The following TSPAN7 variants were observed in gnomAD, a reference collection of about 807,000 sequenced individuals.
TSPAN7 encodes the protein tetraspanin-7.
TSPAN7 carries 1 observed loss-of-function variant against 17.6 expected under a neutral mutation model. The ratio of observed to expected loss-of-function variants is 0.06; its 90% CI spans 0.02 to 0.27. The LOEUF is 0.27. TSPAN7 is among the 10% of genes least tolerant of loss of function. The pLI is 1.00. For missense variants in TSPAN7, 112 were observed against 201.7 expected (o/e 0.56, Z 2.69); for synonymous variants, 78 against 79.0 (o/e 0.99, Z 0.07).
At chrX:38,670,801 T>C (rs753280956) in intron 2 of TSPAN7, among the ~76,000 whole-genome samples, 1 of 112,557 alleles carries the variant, frequency 8.9e-6, no homozygotes, top group Non-Finnish European at 1.9e-5. Flanking sequence ...AGAAAAGACA[T>C]TGGGCTGGTT....
At position 38,655,857 on chromosome X, in the gene TSPAN7, A is replaced by G; in HGVS notation, c.82-10264A>G. On this transcript the variant is annotated intron_variant, in intron 1 of 7. Coordinates refer to ENST00000378482, the MANE Select transcript of TSPAN7 (RefSeq NM_004615.4). ...TTTGAAGATGATAATCCTATATATA[A>G]ATTATGCAAAGAAGATTCTCCCTTT... 3 of 238,744 alleles carry G rather than the reference A, an allele frequency of 1.3e-5. No homozygotes were observed. In the South Asian group the frequency reaches 1.5e-4, roughly 12 times the overall value. The allele number at this position is 238,744 out of a possible 1,213,427, so 19.7% of individuals were successfully genotyped here. A position where few individuals can be genotyped will look rare whatever the true frequency, so the allele number is the denominator to read the frequency against.
At chrX:38,655,737 A>C (rs1213845308) in intron 1 of TSPAN7, among the ~76,000 whole-genome samples, 5 of 111,787 alleles carry the variant, frequency 4.5e-5, no homozygotes, top group Non-Finnish European at 9.4e-5. Context: ...ATAGCCACAT[A>C]AAGCGTGGGA....
intron 1 of TSPAN7, among the ~76,000 whole-genome samples, chrX:38,572,267 G>A (rs181930645): frequency 3.6e-5 from 4 of 111,486 alleles, no homozygotes; most frequent in Non-Finnish European, 7.5e-5. Flanking sequence ...ATTTGAGTGA[G>A]ACTGTTGTTG....
chrX:38,614,916 G>C (rs2069445520), intron 1 of TSPAN7, among the ~76,000 whole-genome samples: 1 of 111,688 alleles, frequency 9.0e-6, no homozygotes, highest in Non-Finnish European at 1.9e-5. Context: ...TGCTTTTTTT[G>C]CAACTGTATG....
chrX:38,606,095 A>G (rs1332357506), intron 1 of TSPAN7, among the ~76,000 whole-genome samples: 2 of 108,898 alleles, frequency 1.8e-5, no homozygotes, highest in African/African-American at 3.3e-5. Flanking sequence ...TCTGCACAGC[A>G]AAAGAAACTA....
chrX:38,625,173 A>G (rs1439256579), intron 1 of TSPAN7, among the ~76,000 whole-genome samples: 2 of 111,396 alleles, frequency 1.8e-5, no homozygotes, highest in African/African-American at 6.5e-5. Flanking sequence ...AGCTTAGGAG[A>G]TTCTTATTAT....
At chrX:38,637,288 G>A (rs775233494) in intron 1 of TSPAN7, among the ~76,000 whole-genome samples, 1 of 111,972 alleles carries the variant, frequency 8.9e-6, no homozygotes, top group Non-Finnish European at 1.9e-5. Flanking sequence ...CATGAATACA[G>A]TTATTCTGAT....
chrX:38,639,029 C>T (rs2069598183), intron 1 of TSPAN7, among the ~76,000 whole-genome samples: 1 of 111,284 alleles, frequency 9.0e-6, no homozygotes, highest in African/African-American at 3.3e-5. Context: ...CACCCTTTGC[C>T]TCTGACTGAT....
In TSPAN7 at chrX:38,688,722, T is replaced by C. The variant is rs1215937804; in HGVS notation, c.*791T>C. 8.9e-6 allele frequency: 1 copy of C among 112,761 alleles called. No homozygotes were observed. Among genetic ancestry groups the C allele is most frequent in the African/African-American group, 3.2e-5 (1 of 30,950 alleles). 9.3% of individuals were successfully genotyped at this position (112,761 alleles called of 1,213,427 possible). On this transcript the variant is annotated 3_prime_UTR_variant, in exon 8 of 8. Transcript: ENST00000378482. ...TGTGTTATTTTACTACTTCTCTCTG[T>C]ATTTTTTCTTGCATTGACATTATAG...
chrX:38,576,647 T>C (rs2069195654), intron 1 of TSPAN7, among the ~76,000 whole-genome samples: 1 of 111,788 alleles, frequency 8.9e-6, no homozygotes, highest in Non-Finnish European at 1.9e-5. Flanking sequence ...CTGGGGAATT[T>C]GGAAAGGTCA....
intron 1 of TSPAN7, among the ~76,000 whole-genome samples, chrX:38,562,688 G>C: frequency 9.0e-6 from 1 of 111,165 alleles, no homozygotes; most frequent in Admixed American, 9.4e-5. Flanking sequence ...AGAGGTGCGT[G>C]GTACTTAAAG....
intron 1 of TSPAN7, among the ~76,000 whole-genome samples, chrX:38,586,751 AC>A (rs751092933): frequency 1.5e-4 from 17 of 112,442 alleles, no homozygotes; most frequent in African/African-American, 4.8e-4. Context: ...ATTTATGGCT[AC>A]AAAACTTGAG....
chrX:38,575,333 G>A (rs1342595825), intron 1 of TSPAN7, among the ~76,000 whole-genome samples: 1 of 111,955 alleles, frequency 8.9e-6, no homozygotes, highest in Non-Finnish European at 1.9e-5. Flanking sequence ...AATGTGTTTT[G>A]TTTTGAGCTT....
intron 2 of TSPAN7, among the ~76,000 whole-genome samples, chrX:38,670,286 G>A (rs757080219): frequency 3.6e-5 from 4 of 111,930 alleles, no homozygotes; most frequent in African/African-American, 1.3e-4. Context: ...GAAGCAGATT[G>A]TAAGACATGT....
At chrX:38,648,810 C>T (rs2069659818) in intron 1 of TSPAN7, among the ~76,000 whole-genome samples, 1 of 107,988 alleles carries the variant, frequency 9.3e-6, no homozygotes, top group South Asian at 4.4e-4. Context: ...ATCCCAGCTA[C>T]TCTGGAGGAT....
intron 1 of TSPAN7, among the ~76,000 whole-genome samples, chrX:38,574,154 G>T (rs2069182847): frequency 8.9e-6 from 1 of 112,212 alleles, no homozygotes; most frequent in Non-Finnish European, 1.9e-5. Flanking sequence ...GTAAGTATTT[G>T]TTTAAACAAG....
At chrX:38,634,428 T>G (rs1327564140) in intron 1 of TSPAN7, among the ~76,000 whole-genome samples, 1 of 112,533 alleles carries the variant, frequency 8.9e-6, no homozygotes, top group African/African-American at 3.2e-5. Flanking sequence ...CTGTTAGAGA[T>G]CTGTCCTGCA....
At chrX:38,607,302 T>C (rs1459540858) in intron 1 of TSPAN7, among the ~76,000 whole-genome samples, 2 of 112,076 alleles carry the variant, frequency 1.8e-5, no homozygotes, top group Admixed American at 1.9e-4. Flanking sequence ...AAATGAAAGA[T>C]AATCCAGAGA....
intron 5 of TSPAN7, 50 bp downstream of exon 5, chrX:38,675,910 G>T: frequency 8.6e-7 from 1 of 1,163,085 alleles, no homozygotes; most frequent in African/African-American, 1.8e-5. Flanking sequence ...ATGTTTGGGG[G>T]GGCTTTTTTA....
Sources: gnomAD v4.1 joint callset for allele counts (sites outside exome capture counted in the v4.1 genomes callset) on GRCh38, gnomAD v4.1.1 for gene constraint, MANE v1.5 for transcripts, NCBI Gene and HGNC (gene_info 2026-07-23, HGNC 2026-07-21) for gene names.